The following ZNF385B variants were observed in gnomAD, a reference collection of about 807,000 sequenced individuals.
The protein encoded by ZNF385B is zinc finger protein 385B, also known as zinc finger protein 533.
In ZNF385B, 23 loss-of-function variants were observed where a neutral mutation model predicts 39.2. That is an observed-to-expected ratio of 0.59 (90% CI 0.42 to 0.83). The LOEUF (loss-of-function observed/expected upper bound fraction) is 0.83. Among genes scored for constraint, ZNF385B ranks in the 40% least tolerant of loss-of-function variants. ZNF385B has a pLI of 0.00. For missense variants in ZNF385B, 552 were observed against 598.9 expected (o/e 0.92, Z 0.82); for synonymous variants, 205 against 222.6 (o/e 0.92, Z 0.70).
Position 179,473,774 on chromosome 2 carries a change from G to A in ZNF385B, c.715+9498C>T, listed in dbSNP as rs531490127. ...CTCCCACTTATGAGTGAGAAGATGC[G>A]GTGTTTGGTTTTCTGTTCCTGTGTT... On this transcript the variant is annotated intron_variant, in intron 6 of 9. Coordinates refer to ENST00000410066, the MANE Select transcript of ZNF385B (RefSeq NM_152520.6). 7.2e-4 allele frequency among the ~76,000 whole-genome samples: 110 copies of A among 152,118 alleles called. 2 individuals carry two copies. Among genetic ancestry groups the A allele is most frequent in the South Asian group, 5.6e-3 (27 of 4,806 alleles).
intron 3 of ZNF385B, among the ~76,000 whole-genome samples, chr2:179,679,612 TG>T: frequency 6.6e-6 from 1 of 151,244 alleles, no homozygotes; most frequent in Admixed American, 6.6e-5. Flanking sequence ...TTGTTGTTGT[TG>T]TTGTTGTTGT....
chr2:179,666,521 A>G (rs1695177720), intron 3 of ZNF385B, among the ~76,000 whole-genome samples: 1 of 152,224 alleles, frequency 6.6e-6, no homozygotes, highest in South Asian at 2.1e-4. Flanking sequence ...AAAAGATTTA[A>G]CAAACAGATG....
chr2:179,544,712 C>T, intron 4 of ZNF385B, 115 bp downstream of exon 4: 1 of 1,318,986 alleles, frequency 7.6e-7, no homozygotes, highest in South Asian at 1.3e-5. Context: ...GCAGCATAAC[C>T]AATATATGGT....
chr2:179,608,289 A>C (rs188661675), intron 3 of ZNF385B, among the ~76,000 whole-genome samples: 1 of 151,708 alleles, frequency 6.6e-6, no homozygotes, highest in Non-Finnish European at 1.5e-5. Flanking sequence ...TCAGAGCTGG[A>C]CTTAGTAATC....
chr2:179,681,674 T>C (rs546367443), intron 3 of ZNF385B, among the ~76,000 whole-genome samples: 1 of 152,336 alleles, frequency 6.6e-6, no homozygotes, highest in African/African-American at 2.4e-5. Flanking sequence ...TGTAACTTAA[T>C]TGACATCTTC....
intron 4 of ZNF385B, among the ~76,000 whole-genome samples, chr2:179,520,575 T>C (rs558632115): frequency 9.1e-4 from 138 of 152,324 alleles, no homozygotes; most frequent in Middle Eastern, 3.4e-3. Context: ...GAAACTATAC[T>C]TTCTGACAGT....
At chr2:179,803,883 T>C (rs988332910) in intron 1 of ZNF385B, among the ~76,000 whole-genome samples, 1 of 152,126 alleles carries the variant, frequency 6.6e-6, no homozygotes, top group African/African-American at 2.4e-5. Context: ...TGCTACACAA[T>C]GGAGATTGAT....
intron 3 of ZNF385B, among the ~76,000 whole-genome samples, chr2:179,736,443 G>T (rs1286457160): frequency 6.6e-6 from 1 of 152,044 alleles, no homozygotes; most frequent in Non-Finnish European, 1.5e-5. Flanking sequence ...ACTATATGGT[G>T]ATTCTTATTA....
At chr2:179,754,637 ACTT>A (rs1350826517) in intron 3 of ZNF385B, among the ~76,000 whole-genome samples, 4 of 152,114 alleles carry the variant, frequency 2.6e-5, no homozygotes, top group Non-Finnish European at 5.9e-5. Context: ...CAGAGATTGA[ACTT>A]CTTCCTGGTT....
intron 3 of ZNF385B, among the ~76,000 whole-genome samples, chr2:179,627,681 C>T (rs946917415): frequency 3.9e-5 from 6 of 152,146 alleles, no homozygotes; most frequent in African/African-American, 1.4e-4. Flanking sequence ...TCACATGTTG[C>T]AAACTGGTAA....
chr2:179,611,216 T>C (rs572974231), intron 3 of ZNF385B, among the ~76,000 whole-genome samples: 2 of 152,314 alleles, frequency 1.3e-5, no homozygotes, highest in Admixed American at 6.5e-5. Flanking sequence ...GTATACTCTT[T>C]TCATATCCAG....
chr2:179,676,094 AT>A (rs376176904), intron 3 of ZNF385B, among the ~76,000 whole-genome samples: 5 of 143,562 alleles, frequency 3.5e-5, no homozygotes, highest in Admixed American at 2.8e-4. Context: ...GGCCAACAGT[AT>A]TTTTTTTCTT....
At chr2:179,496,979 G>A (rs1158340255) in intron 5 of ZNF385B, among the ~76,000 whole-genome samples, 1 of 152,174 alleles carries the variant, frequency 6.6e-6, no homozygotes, top group African/African-American at 2.4e-5. Flanking sequence ...AACCTGAGAG[G>A]CAGAGGTTGC....
chr2:179,480,035 G>T (rs901936762), intron 6 of ZNF385B, among the ~76,000 whole-genome samples: 1 of 152,112 alleles, frequency 6.6e-6, no homozygotes, highest in Non-Finnish European at 1.5e-5. Context: ...ATGCTAAAAC[G>T]CGAGAATGGA....
At chr2:179,860,828 G>A in intron 1 of ZNF385B, 1 of 459,798 alleles carries the variant, frequency 2.2e-6, no homozygotes, top group South Asian at 1.6e-5. Context: ...GGGAACAGAG[G>A]AGTATGCTCC....
chr2:179,741,941 T>C (rs2106451817), intron 3 of ZNF385B, among the ~76,000 whole-genome samples: 1 of 152,050 alleles, frequency 6.6e-6, no homozygotes, highest in Admixed American at 6.6e-5. Context: ...GGAGAAGGCA[T>C]TGAAAGAGGC....
At chr2:179,521,036 T>C (rs776553914) in intron 4 of ZNF385B, among the ~76,000 whole-genome samples, 9 of 152,144 alleles carry the variant, frequency 5.9e-5, no homozygotes, top group Non-Finnish European at 1.3e-4. Flanking sequence ...TTTACGAATA[T>C]CTAGTTTCAA....
chr2:179,465,937 C>A (rs554073557), intron 6 of ZNF385B, among the ~76,000 whole-genome samples: 14 of 152,222 alleles, frequency 9.2e-5, no homozygotes, highest in Admixed American at 6.5e-4. Flanking sequence ...CATAGGTGAG[C>A]AATACGTTTG....
At chr2:179,565,947 G>A (rs1208156735) in intron 3 of ZNF385B, among the ~76,000 whole-genome samples, 1 of 152,148 alleles carries the variant, frequency 6.6e-6, no homozygotes, top group African/African-American at 2.4e-5. Flanking sequence ...TATTACTTGT[G>A]CATGTGTCTT....
Sources: gnomAD v4.1 joint callset for allele counts (sites outside exome capture counted in the v4.1 genomes callset) on GRCh38, gnomAD v4.1.1 for gene constraint, MANE v1.5 for transcripts, NCBI Gene and HGNC (gene_info 2026-07-23, HGNC 2026-07-21) for gene names.